Variants in CCDC50 observed in about 807,000 individuals in gnomAD.
CCDC50 encodes coiled-coil domain-containing protein 50.
In CCDC50, 54 loss-of-function variants were observed where a neutral mutation model predicts 70.2. The ratio of observed to expected loss-of-function variants is 0.77; its 90% confidence interval spans 0.62 to 0.96. The LOEUF is 0.96. CCDC50 is among the 50% of genes least tolerant of loss of function. The probability of loss-of-function intolerance (pLI) is 0.00; values close to 1 mark genes in which losing one functional copy is unlikely to be tolerated. For missense variants in CCDC50, 558 were observed against 578.7 expected (o/e 0.96, Z 0.37); for synonymous variants, 216 against 198.8 (o/e 1.09, Z -0.73).
intron 1 of CCDC50, among the ~76,000 whole-genome samples, chr3:191,354,181 A>G (rs1712198042): frequency 1.3e-5 from 2 of 152,230 alleles, no homozygotes; most frequent in Non-Finnish European, 1.5e-5. Flanking sequence ...AGAAAAACCC[A>G]TGAACCTACC....
chr3:191,389,853 C>CTTT (rs10635756), intron 11 of CCDC50, among the ~76,000 whole-genome samples: 1,721 of 84,628 alleles, frequency 0.02, 82 homozygotes, highest in East Asian at 0.028. Flanking sequence ...ATCAAATTCA[C>CTTT]TTTTTTTTTT....
intron 11 of CCDC50, among the ~76,000 whole-genome samples, chr3:191,390,929 G>A (rs1395410720): frequency 1.3e-5 from 2 of 152,202 alleles, no homozygotes; most frequent in Non-Finnish European, 2.9e-5. Context: ...CTCTTGCAAG[G>A]ATCTGCGTTC....
intron 1 of CCDC50, among the ~76,000 whole-genome samples, chr3:191,346,357 G>A (rs1711924329): frequency 6.6e-6 from 1 of 152,142 alleles, no homozygotes; most frequent in Admixed American, 6.6e-5. Context: ...AAGCTACATT[G>A]TAATCTCATA....
chr3:191,350,255 G>A lies in CCDC50; in HGVS notation c.50-6833G>A, dbSNP rs571405310. 3.5e-4 allele frequency among the ~76,000 whole-genome samples: 49 copies of A among 141,848 alleles called. 8 individuals are homozygous for A. Among genetic ancestry groups the A allele is most frequent in the African/African-American group, 1.1e-3 (45 of 39,952 alleles). 93.1% of individuals were successfully genotyped at this position (141,848 alleles called of 152,430 possible). Reference sequence around the variant, plus strand: ...TTACCAAACTTTCACAAGACAAAATGTATCTCTTGAATATCTTTCTTGTTC... The same window carrying A: ...TTACCAAACTTTCACAAGACAAAATATATCTCTTGAATATCTTTCTTGTTC... On this transcript the variant is annotated intron_variant, in intron 1 of 11. Transcript: ENST00000392455.
intron 6 of CCDC50, among the ~76,000 whole-genome samples, chr3:191,378,472 G>A (rs1713192368): frequency 1.3e-5 from 2 of 152,120 alleles, no homozygotes; most frequent in Admixed American, 6.6e-5. Flanking sequence ...TTATTTCACT[G>A]TATGGCAAAA....
At chr3:191,329,817 C>T in intron 1 of CCDC50, 94 bp downstream of exon 1, 1 of 1,365,116 alleles carries the variant, frequency 7.3e-7, no homozygotes. Flanking sequence ...GCTCCCGCGG[C>T]CCTCGCCCGG....
chr3:191,365,123 A>G (rs1256757464), intron 4 of CCDC50, among the ~76,000 whole-genome samples: 2 of 151,676 alleles, frequency 1.3e-5, no homozygotes, highest in Admixed American at 6.6e-5. Context: ...TTTAAAATAT[A>G]TGTGAATGTG....
At chr3:191,347,649 T>C (rs1379520094) in intron 1 of CCDC50, among the ~76,000 whole-genome samples, 1 of 142,324 alleles carries the variant, frequency 7.0e-6, no homozygotes, top group Non-Finnish European at 1.6e-5. Context: ...AACCAAGAAT[T>C]GACCACCTGC....
chr3:191,329,776 G>A (rs1189613137), intron 1 of CCDC50, 53 bp downstream of exon 1: 1 of 1,574,252 alleles, frequency 6.4e-7, no homozygotes, highest in South Asian at 1.2e-5. Flanking sequence ...CCAGCCCGAG[G>A]TTCTCTCAGG....
At chr3:191,375,681 C>T (rs201834084) in intron 6 of CCDC50, 92 bp downstream of exon 6, 1 of 1,128,806 alleles carries the variant, frequency 8.9e-7, no homozygotes, top group East Asian at 4.3e-5. Context: ...ACCTTTCTTT[C>T]TCTCTAGTTC....
intron 1 of CCDC50, among the ~76,000 whole-genome samples, chr3:191,336,666 A>G (rs1711527420): frequency 6.6e-6 from 1 of 152,164 alleles, no homozygotes; most frequent in African/African-American, 2.4e-5. Flanking sequence ...CCTACTTGAT[A>G]TTAGCTAAAT....
intron 1 of CCDC50, among the ~76,000 whole-genome samples, chr3:191,330,848 A>G (rs887692351): frequency 1.3e-5 from 2 of 152,174 alleles, no homozygotes; most frequent in Non-Finnish European, 2.9e-5. Flanking sequence ...GAGACTAGTG[A>G]CTAGTGGTCA....
rs2108681659 is a variant in CCDC50, at chr3:191,395,673, T to C, written c.*3913T>C. On this transcript the variant is annotated 3_prime_UTR_variant, in exon 12 of 12. Coordinates refer to ENST00000392455, the MANE Select transcript of CCDC50 (RefSeq NM_178335.3). ...GAGAAGACGGTATTTGTGTAAGGAG[T>C]GCTAAGGTAGACTTCATTGTACATA... 6.6e-6 allele frequency: 1 copy of C among 152,206 alleles called. No individual in the cohort carries two copies. The highest frequency in any genetic ancestry group is 1.9e-4 in the East Asian group (1 of 5,182). The allele number at this position is 152,206 out of a possible 1,614,324, so 9.4% of individuals were successfully genotyped here.
At chr3:191,343,693 C>T (rs764205788) in intron 1 of CCDC50, among the ~76,000 whole-genome samples, 3 of 152,142 alleles carry the variant, frequency 2.0e-5, no homozygotes, top group Non-Finnish European at 2.9e-5. Flanking sequence ...GAGAATGTTT[C>T]TTCAGTTGTG....
chr3:191,390,427 G>C (rs1420254556), intron 11 of CCDC50, among the ~76,000 whole-genome samples: 2 of 152,192 alleles, frequency 1.3e-5, no homozygotes, highest in African/African-American at 2.4e-5. Flanking sequence ...AAGAATGGCT[G>C]CTCAGCAGTG....
chr3:191,351,819 C>G (rs918205771), intron 1 of CCDC50, among the ~76,000 whole-genome samples: 2 of 140,434 alleles, frequency 1.4e-5, no homozygotes, highest in Non-Finnish European at 3.2e-5. Flanking sequence ...CTTTCCTATC[C>G]CATCTCTTGC....
chr3:191,353,829 T>TA, intron 1 of CCDC50, among the ~76,000 whole-genome samples: 4 of 150,874 alleles, frequency 2.7e-5, no homozygotes, highest in Non-Finnish European at 5.9e-5. Flanking sequence ...TCTGTGTGTA[T>TA]GTGTTCATGT....
intron 6 of CCDC50, among the ~76,000 whole-genome samples, chr3:191,377,788 C>T (rs1194347684): frequency 3.3e-5 from 5 of 152,002 alleles, no homozygotes; most frequent in African/African-American, 1.2e-4. Flanking sequence ...TAAGGATGTT[C>T]TTGTGTTCTC....
chr3:191,337,257 C>T (rs868306700), intron 1 of CCDC50, among the ~76,000 whole-genome samples: 14 of 152,132 alleles, frequency 9.2e-5, no homozygotes, highest in African/African-American at 3.4e-4. Context: ...GTTCAGTTAT[C>T]GGTATAAACA....
Sources: allele counts gnomAD v4.1 joint callset (sites outside exome capture counted in the v4.1 genomes callset), GRCh38; gene constraint gnomAD v4.1.1; transcripts MANE v1.5; gene names NCBI Gene and HGNC (gene_info 2026-07-23, HGNC 2026-07-21).